Variants in DTNBP1 observed in about 807,000 individuals in gnomAD.
DTNBP1 encodes the protein dysbindin.
A neutral mutation model predicts 42.8 loss-of-function variants in DTNBP1; 35 were observed. That is an observed-to-expected ratio of 0.82 (90% confidence interval 0.63 to 1.09). The LOEUF (loss-of-function observed/expected upper bound fraction) is 1.09. DTNBP1 is among the 50% of genes least tolerant of loss of function. DTNBP1 has a pLI of 0.00. For missense variants in DTNBP1, 457 were observed against 424.2 expected, an observed-to-expected ratio of 1.08 and a Z score of -0.68; for synonymous variants, 171 against 162.2, an observed-to-expected ratio of 1.05 and a Z score of -0.41.
intron 6 of DTNBP1, among the ~76,000 whole-genome samples, chr6:15,600,359 G>C (rs1201022689): frequency 6.6e-6 from 1 of 152,190 alleles, no homozygotes; most frequent in Non-Finnish European, 1.5e-5. Flanking sequence ...TGGTAGAGAA[G>C]AGAGTACACC....
intron 7 of DTNBP1, among the ~76,000 whole-genome samples, chr6:15,580,986 G>C (rs1032668125): frequency 6.6e-6 from 1 of 152,138 alleles, no homozygotes; most frequent in African/African-American, 2.4e-5. Flanking sequence ...AAAAGAAAAG[G>C]TCAAGGAACT....
intron 7 of DTNBP1, among the ~76,000 whole-genome samples, chr6:15,556,412 C>T (rs1451528444): frequency 1.3e-5 from 2 of 152,118 alleles, no homozygotes; most frequent in African/African-American, 2.4e-5. Flanking sequence ...GAACTCCTGA[C>T]CTCGTGATCT....
intron 5 of DTNBP1, among the ~76,000 whole-genome samples, chr6:15,617,614 T>C (rs919719484): frequency 1.3e-5 from 2 of 151,820 alleles, no homozygotes; most frequent in African/African-American, 4.8e-5. Flanking sequence ...ACCGAGAACA[T>C]TCATTGGGAA....
intron 5 of DTNBP1, among the ~76,000 whole-genome samples, chr6:15,617,794 C>T (rs1030850430): frequency 2.0e-5 from 3 of 152,000 alleles, no homozygotes; most frequent in African/African-American, 7.2e-5. Context: ...ATATGGGAAA[C>T]ATTTCAGAAC....
chr6:15,618,608 C>T (rs928801037), intron 5 of DTNBP1, among the ~76,000 whole-genome samples: 1 of 151,802 alleles, frequency 6.6e-6, no homozygotes, highest in Non-Finnish European at 1.5e-5. Flanking sequence ...GAAACGAGTT[C>T]TCATACGCTG....
intron 7 of DTNBP1, 100 bp downstream of exon 7, chr6:15,592,959 A>G: frequency 8.2e-7 from 1 of 1,226,184 alleles, no homozygotes; most frequent in Non-Finnish European, 1.1e-6. Context: ...GTTTTATGTA[A>G]ACTGATTTTA....
chr6:15,617,596 A>G (rs1304352276), intron 5 of DTNBP1, among the ~76,000 whole-genome samples: 1 of 152,196 alleles, frequency 6.6e-6, no homozygotes, highest in Non-Finnish European at 1.5e-5. Context: ...CCAGTTTTTG[A>G]CAAAGGCACC....
At chr6:15,545,633 T>C (rs2113378904) in intron 7 of DTNBP1, among the ~76,000 whole-genome samples, 1 of 152,200 alleles carries the variant, frequency 6.6e-6, no homozygotes, top group East Asian at 1.9e-4. Context: ...AACTTTTACA[T>C]AACAAAGAAT....
chr6:15,651,938 C>A (rs1041688360), intron 2 of DTNBP1, 149 bp downstream of exon 2: 1 of 697,974 alleles, frequency 1.4e-6, no homozygotes, highest in Non-Finnish European at 2.4e-6. Flanking sequence ...TTTCCTGTTA[C>A]AAAATTTAGA....
chr6:15,652,120 T>A lies in DTNBP1; in HGVS notation c.77A>T (p.Lys26Met), dbSNP rs755168263. The A allele has an allele frequency of 6.2e-7, 1 of 1,612,448 alleles. No individual in the cohort carries two copies. Among genetic ancestry groups the A allele is most frequent in the Non-Finnish European group, 8.5e-7 (1 of 1,178,836 alleles). The change falls in exon 2 of 10, where the codon AAG (lysine) becomes ATG (methionine). Residue 26 changes from lysine (K) to methionine (M), a missense_variant. By Grantham distance (95) the Lys-to-Met change is moderately conservative. Coordinates refer to ENST00000344537, the MANE Select transcript of DTNBP1 (RefSeq NM_032122.5). ...GCTTTTCACTTTTGCTTCTCTTGAC[T>A]TGTCACTTAAAGTCTTCAGCCTATA... ...FTSGLKTLSD[K>M]SREAKVKSKP...
At chr6:15,592,175 T>A (rs1776325790) in intron 7 of DTNBP1, among the ~76,000 whole-genome samples, 1 of 152,224 alleles carries the variant, frequency 6.6e-6, no homozygotes, top group Non-Finnish European at 1.5e-5. Context: ...ATATAAACAA[T>A]TCAACCATAA....
At chr6:15,595,103 G>A (rs1030609138) in intron 6 of DTNBP1, 8 of 455,980 alleles carry the variant, frequency 1.8e-5, no homozygotes, top group Non-Finnish European at 2.6e-5. Flanking sequence ...ACAGCGTCAT[G>A]ACCCACAACT....
intron 5 of DTNBP1, among the ~76,000 whole-genome samples, chr6:15,622,788 G>T (rs1410903077): frequency 6.6e-6 from 1 of 152,184 alleles, no homozygotes; most frequent in Non-Finnish European, 1.5e-5. Flanking sequence ...CCGTCCCAGA[G>T]GAAAAGCAAT....
chr6:15,524,169 G>A (rs1212679412), intron 9 of DTNBP1: 15 of 1,438,444 alleles, frequency 1.0e-5, no homozygotes, highest in Admixed American at 4.2e-5. Context: ...AGAGTTTCCC[G>A]TGAGCCCCGC....
chr6:15,621,394 T>G (rs1238521980), intron 5 of DTNBP1, among the ~76,000 whole-genome samples: 1 of 152,220 alleles, frequency 6.6e-6, no homozygotes, highest in African/African-American at 2.4e-5. Flanking sequence ...GCAGGCCAAT[T>G]AATTTCTCAC....
At position 15,627,615 on chromosome 6, in the gene DTNBP1, A is replaced by C. The variant is rs1009854619; in HGVS notation, c.223-140T>G. On this transcript the variant is annotated intron_variant, in intron 4 of 9. Transcript: ENST00000344537. ...TACGGTACATTCTAAAAGAGACTGA[A>C]GTTGTTTTCATTTTTAGAAAAGAAA... 1.5e-5 allele frequency: 20 copies of C among 1,298,720 alleles called. No homozygotes were observed. In the African/African-American group the frequency reaches 2.9e-4, roughly 19 times the overall value. 80.4% of individuals were successfully genotyped at this position (1,298,720 alleles called of 1,614,324 possible). A position where few individuals can be genotyped will look rare whatever the true frequency, so the allele number is the denominator to read the frequency against.
At chr6:15,584,342 TGA>T (rs1775966845) in intron 7 of DTNBP1, among the ~76,000 whole-genome samples, 2 of 152,066 alleles carry the variant, frequency 1.3e-5, no homozygotes, top group South Asian at 2.1e-4. Flanking sequence ...AGATAATGAC[TGA>T]GAGAAGAGAA....
chr6:15,584,317 T>C (rs1775964723), intron 7 of DTNBP1, among the ~76,000 whole-genome samples: 1 of 152,118 alleles, frequency 6.6e-6, no homozygotes, highest in African/African-American at 2.4e-5. Context: ...TCTTTACTCT[T>C]AGAACCATTA....
chr6:15,574,322 C>A (rs1484094731), intron 7 of DTNBP1, among the ~76,000 whole-genome samples: 3 of 152,176 alleles, frequency 2.0e-5, no homozygotes, highest in Non-Finnish European at 4.4e-5. Context: ...GAGTAGACAG[C>A]AAGAACAGTA....
Sources: allele counts gnomAD v4.1 joint callset (sites outside exome capture counted in the v4.1 genomes callset), GRCh38; gene constraint gnomAD v4.1.1; transcripts MANE v1.5; gene names NCBI Gene and HGNC (gene_info 2026-07-23, HGNC 2026-07-21).